Variants in SANBR observed in about 807,000 individuals in gnomAD.
SANBR encodes the protein SANT and BTB domain regulator of CSR.
A neutral mutation model predicts 101.8 loss-of-function variants in SANBR; 77 were observed. The ratio of observed to expected loss-of-function variants is 0.76; its 90% CI spans 0.63 to 0.91. The LOEUF (loss-of-function observed/expected upper bound fraction) is 0.91, where lower values mean the gene tolerates loss of function less well. SANBR is among the 40% of genes least tolerant of loss of function. The probability of loss-of-function intolerance (pLI) is 0.00; values close to 1 mark genes in which losing one functional copy is unlikely to be tolerated. For synonymous variants in SANBR, 279 were observed against 274.7 expected (o/e 1.02, Z -0.15); for missense variants, 875 against 853.0 (o/e 1.03, Z -0.32).
At chr2:61,100,250 A>T (rs201321218) in intron 12 of SANBR, among the ~76,000 whole-genome samples, 1 of 152,108 alleles carries the variant, frequency 6.6e-6, no homozygotes, top group East Asian at 1.9e-4. Flanking sequence ...GATTACAGGC[A>T]TGTGCCACCA....
chr2:61,123,277 T>G lies in SANBR; in HGVS notation c.*1115T>G, dbSNP rs1203732129. The G allele has an allele frequency of 1.0e-6, 1 of 981,042 alleles. No individual in the cohort carries two copies. The highest frequency in any genetic ancestry group is 1.2e-6 in the Non-Finnish European group (1 of 825,870). The allele number at this position is 981,042 out of a possible 1,614,324, so 60.8% of individuals were successfully genotyped here. A position where few individuals can be genotyped will look rare whatever the true frequency, so the allele number is the denominator to read the frequency against. ...TCTTAATTTGCCTTATAACTGACAT[T>G]TCTTCAAATTATTCAGAGAACAGAC... On this transcript the variant is annotated 3_prime_UTR_variant, in exon 22 of 22. Transcript: ENST00000402291.
chr2:61,132,371 T>C (rs1684714580), intron 20 of SANBR, among the ~76,000 whole-genome samples: 3 of 152,160 alleles, frequency 2.0e-5, no homozygotes, highest in Admixed American at 6.5e-5. Context: ...TGAATAGACA[T>C]TTTTCCAAAG....
At position 61,121,183 on chromosome 2, in the gene SANBR, A is replaced by C. The variant is rs1684315521; in HGVS notation, c.2029-2A>C. The C allele has an allele frequency of 6.5e-7, 1 of 1,548,224 alleles. No homozygotes were observed. The highest frequency in any genetic ancestry group is 1.4e-5 in the African/African-American group (1 of 72,968). ...TAACAGTATTGCTTCTTTATTCTGCAGTTTGCAGGAGGTATTTATTCCAGG... is the reference window on the plus strand; with the variant it reads ...TAACAGTATTGCTTCTTTATTCTGCCGTTTGCAGGAGGTATTTATTCCAGG... On this transcript the variant is annotated splice_acceptor_variant, in intron 20 of 21. Coordinates refer to ENST00000402291, the MANE Select transcript of SANBR (RefSeq NM_001129993.3). LOFTEE classifies it high-confidence loss of function.
chr2:61,110,241 A>G (rs1045472061), intron 16 of SANBR, among the ~76,000 whole-genome samples: 1 of 152,048 alleles, frequency 6.6e-6, no homozygotes, highest in Admixed American at 6.6e-5. Flanking sequence ...CCATTATACT[A>G]CTTTTGAAAA....
chr2:61,080,810 T>A (rs1233472361), intron 6 of SANBR, among the ~76,000 whole-genome samples: 1 of 152,240 alleles, frequency 6.6e-6, no homozygotes, highest in African/African-American at 2.4e-5. Context: ...TTAACCATTG[T>A]CTGCTTAGTC....
At chr2:61,118,638 T>G (rs1684195971) in intron 20 of SANBR, among the ~76,000 whole-genome samples, 1 of 139,806 alleles carries the variant, frequency 7.2e-6, no homozygotes, top group Non-Finnish European at 1.5e-5. Flanking sequence ...CTCGGCTCAC[T>G]GCAACCTCCA....
Position 61,122,266 on chromosome 2 carries a change from GTTA to G in SANBR, c.*113_*115del, listed in dbSNP as rs1364039795. The stretch of plus-strand genomic sequence containing the variant: ...GAACAATGACTTCCAACTGTTTTAT[GTTA>G]TTATTATTTTAATCCACATAAATCA... On this transcript the variant is annotated 3_prime_UTR_variant, in exon 22 of 22. Transcript: ENST00000402291. 26 of 1,392,830 alleles carry G rather than the reference GTTA, an allele frequency of 1.9e-5. No individual in the cohort carries two copies. Among genetic ancestry groups the G allele is most frequent in the Admixed American group, 8.7e-5 (3 of 34,288 alleles). The allele number at this position is 1,392,830 out of a possible 1,614,324, so 86.3% of individuals were successfully genotyped here.
At chr2:61,096,481 C>T (rs1683037180) in intron 11 of SANBR, among the ~76,000 whole-genome samples, 2 of 152,222 alleles carry the variant, frequency 1.3e-5, no homozygotes, top group African/African-American at 4.8e-5. Context: ...TCTGTCTACC[C>T]ACCAGCCCCC....
At chr2:61,080,993 G>T (rs1682093546) in intron 6 of SANBR, among the ~76,000 whole-genome samples, 1 of 152,028 alleles carries the variant, frequency 6.6e-6, no homozygotes, top group African/African-American at 2.4e-5. Flanking sequence ...GTAAGTTTAG[G>T]ACTCTGCAGT....
chr2:61,077,873 G>A (rs772212847), intron 6 of SANBR, among the ~76,000 whole-genome samples: 1 of 152,178 alleles, frequency 6.6e-6, no homozygotes, highest in Non-Finnish European at 1.5e-5. Context: ...TTCAGACTTA[G>A]GTGTTTGGCA....
At chr2:61,103,782 G>C (rs975613829) in intron 12 of SANBR, 71 bp from the exon 13 acceptor site, 7 of 1,426,656 alleles carry the variant, frequency 4.9e-6, no homozygotes, top group Non-Finnish European at 5.8e-6. Context: ...GCAAAGAAAA[G>C]AAAAACAGTG....
intron 20 of SANBR, among the ~76,000 whole-genome samples, 161 bp from the exon 21 acceptor site, chr2:61,121,024 C>T (rs1226416614): frequency 6.6e-6 from 1 of 152,022 alleles, no homozygotes; most frequent in Non-Finnish European, 1.5e-5. Flanking sequence ...CACCTGTACA[C>T]TAAAATGGTA....
At chr2:61,113,530 A>G (rs1486279795) in intron 16 of SANBR, among the ~76,000 whole-genome samples, 1 of 152,178 alleles carries the variant, frequency 6.6e-6, no homozygotes, top group African/African-American at 2.4e-5. Flanking sequence ...TTCAGTGTAC[A>G]GGTGTTGAAC....
At chr2:61,125,788 C>T (rs542183035), downstream of SANBR, among the ~76,000 whole-genome samples, 3 of 152,240 alleles carry the variant, frequency 2.0e-5, no homozygotes, top group South Asian at 6.2e-4. Context: ...AGCCTCACAA[C>T]GCCCGCCCCC....
At chr2:61,101,183 A>C (rs1683263860) in intron 12 of SANBR, among the ~76,000 whole-genome samples, 1 of 152,212 alleles carries the variant, frequency 6.6e-6, no homozygotes, top group Non-Finnish European at 1.5e-5. Context: ...TAAATTGGGC[A>C]TGAGACGTTA....
rs895600368 is a variant in SANBR at position 61,083,424 on chromosome 2, TC to T, written c.890+111del. On this transcript the variant is annotated intron_variant, in intron 8 of 21. Coordinates refer to ENST00000402291, the MANE Select transcript of SANBR (RefSeq NM_001129993.3). ...TTTTTCTTTTTTCTTTGAGAAAGGT[TC>T]TCACTCTGTTGTTCAGGCTGGAGTG... is the stretch of plus-strand genomic sequence containing the variant. 50 of 785,242 alleles carry T rather than the reference TC, an allele frequency of 6.4e-5. No individual in the cohort carries two copies. The African/African-American group carries it at 8.4e-4, about 13-fold the overall frequency. 48.6% of individuals were successfully genotyped at this position (785,242 alleles called of 1,614,324 possible). A position where few individuals can be genotyped will look rare whatever the true frequency, so the allele number is the denominator to read the frequency against.
intron 13 of SANBR, among the ~76,000 whole-genome samples, chr2:61,105,852 A>C (rs1454035860): frequency 6.6e-6 from 1 of 151,786 alleles, no homozygotes; most frequent in African/African-American, 2.4e-5. Context: ...TTTGTATTTT[A>C]GTAGAGACAG....
At chr2:61,083,349 C>A in intron 8 of SANBR, 35 bp downstream of exon 8, 1 of 1,197,742 alleles carries the variant, frequency 8.3e-7, no homozygotes, top group South Asian at 1.4e-5. Flanking sequence ...ACCTAATACT[C>A]CTGTTAAAAG....
chr2:61,093,993 C>A, intron 11 of SANBR: 1 of 549,610 alleles, frequency 1.8e-6, no homozygotes, highest in Non-Finnish European at 2.3e-6. Flanking sequence ...AAGTTTTCCT[C>A]TCCCCAGTAA....
Sources: gnomAD v4.1 joint callset for allele counts (sites outside exome capture counted in the v4.1 genomes callset) on GRCh38, gnomAD v4.1.1 for gene constraint, MANE v1.5 for transcripts, NCBI Gene and HGNC (gene_info 2026-07-23, HGNC 2026-07-21) for gene names.